The following PLOD1 variants were observed in gnomAD, a reference collection of about 807,000 sequenced individuals.
The protein encoded by PLOD1 is procollagen-lysine,2-oxoglutarate 5-dioxygenase 1.
PLOD1 carries 70 observed loss-of-function variants against 94.7 expected under a neutral mutation model. The ratio of observed to expected loss-of-function variants is 0.74; its 90% CI spans 0.61 to 0.90. The LOEUF (loss-of-function observed/expected upper bound fraction) is 0.90, where lower values mean the gene tolerates loss of function less well. Among genes scored for constraint, PLOD1 ranks in the 40% least tolerant of loss-of-function variants. The probability of loss-of-function intolerance (pLI) is 0.00; values close to 1 mark genes in which losing one functional copy is unlikely to be tolerated. For synonymous variants in PLOD1, 417 were observed against 400.2 expected, an observed-to-expected ratio of 1.04 and a Z score of -0.50; for missense variants, 905 against 972.7, an observed-to-expected ratio of 0.93 and a Z score of 0.93.
intron 5 of PLOD1, among the ~76,000 whole-genome samples, chr1:11,953,959 G>T (rs1645720729): frequency 6.6e-6 from 1 of 151,410 alleles, no homozygotes; most frequent in African/African-American, 2.4e-5. Context: ...CAGCCTCCCG[G>T]ACTCAAGCGA....
Position 11,969,020 on chromosome 1 carries a change from ATTTTTTTTTTTT to A in PLOD1, c.1756-1639_1756-1628del, listed in dbSNP as rs936449431. ...TTACAGGTGCTGGCCACCATGCCTA[ATTTTTTTTTTTT>A]TTTTTTTTTTGAGACGGAGTTTTGC... On this transcript the variant is annotated intron_variant, in intron 16 of 18. Coordinates refer to ENST00000196061, the MANE Select transcript of PLOD1 (RefSeq NM_000302.4). Among the ~76,000 whole-genome samples, 13 of 118,826 alleles carry A rather than the reference ATTTTTTTTTTTT, an allele frequency of 1.1e-4. No individual in the cohort carries two copies. The East Asian group carries it at 2.4e-3, about 22-fold the overall frequency. The allele number at this position is 118,826 out of a possible 152,430, so 78.0% of individuals were successfully genotyped here. A position where few individuals can be genotyped will look rare whatever the true frequency, so the allele number is the denominator to read the frequency against.
Position 11,963,544 on chromosome 1 carries a change from G to A in PLOD1, c.1110G>A (p.Arg370=), listed in dbSNP as rs148644646. The A allele has an allele frequency of 7.5e-6, 12 of 1,598,412 alleles. No homozygotes were observed. Among genetic ancestry groups the A allele is most frequent in the African/African-American group, 1.3e-5 (1 of 74,808 alleles). ...DARNMGADLC[R]QDRSCTYYFS... Reference sequence around the variant, plus strand: ...CTCCTCCTTGCAGAGACCTGTGCCGGCAGGACCGCAGCTGCACCTACTACT... The same window carrying A: ...CTCCTCCTTGCAGAGACCTGTGCCGACAGGACCGCAGCTGCACCTACTACT... The change falls in exon 11 of 19, where the codon CGG becomes CGA. Residue 370 remains arginine (R), a synonymous_variant. Coordinates refer to ENST00000196061, the MANE Select transcript of PLOD1 (RefSeq NM_000302.4). This position sits in a 1 kb window ranked among gnomAD's most constrained non-coding sequence, Gnocchi z 4.3.
Position 11,957,913 on chromosome 1 carries a change from C to T in PLOD1, c.813C>T (p.Asp271=), listed in dbSNP as rs373471550. The T allele has an allele frequency of 7.4e-5, 120 of 1,613,752 alleles. 2 individuals carry two copies. In the South Asian group the frequency reaches 1.2e-3, roughly 16 times the overall value. Residue 271 remains aspartate (D), a synonymous_variant, in exon 8 of 19, where the codon GAC becomes GAT. Transcript: ENST00000196061. The surrounding 1 kb of genome is among the most constrained non-coding windows in gnomAD (Gnocchi z 4.1). ...TCGAAACAGGCTGCACCGTGTGTGACGAAGGCTTGCGCAGCCTCAAGGGCA... is the reference window on the plus strand; with the variant it reads ...TCGAAACAGGCTGCACCGTGTGTGATGAAGGCTTGCGCAGCCTCAAGGGCA... ...WTFETGCTVC[D]EGLRSLKGIG...
rs777914756 is a variant in PLOD1, at chr1:11,956,985, G to T, written c.712G>T (p.Val238Phe). The change falls in exon 7 of 19, where the codon GTC becomes TTC. Residue 238 changes from valine (V) to phenylalanine (F), a missense_variant. Val to Phe is a conservative substitution (Grantham distance 50). Coordinates refer to ENST00000196061, the MANE Select transcript of PLOD1 (RefSeq NM_000302.4). Reference protein sequence around the residue: ...ARNLAYDTLPVLIHGNGPTKL... With the variant: ...ARNLAYDTLPFLIHGNGPTKL... The stretch of plus-strand genomic sequence containing the variant: ...GAACCTGGCCTATGACACCCTCCCG[G>T]TCCTGATCCATGGCAACGGGCCAAC... 6.2e-6 allele frequency: 10 copies of T among 1,613,518 alleles called. No homozygotes were observed. The Admixed American group carries it at 8.3e-5, about 13-fold the overall frequency.
intron 3 of PLOD1, 28 bp downstream of exon 3, chr1:11,949,934 G>C (rs1253494734): frequency 6.2e-7 from 1 of 1,610,766 alleles, no homozygotes; most frequent in Admixed American, 1.7e-5. Flanking sequence ...TCCTAGCCTG[G>C]GCCCCTCCGC....
intron 16 of PLOD1, 148 bp from the exon 17 acceptor site, chr1:11,970,521 AT>A: frequency 1.3e-6 from 1 of 772,570 alleles, no homozygotes; most frequent in Non-Finnish European, 2.2e-6. Context: ...AAGTCAACTG[AT>A]TAGGAGCCTT....
At chr1:11,938,141 C>T (rs962518209) in intron 1 of PLOD1, among the ~76,000 whole-genome samples, 10 of 139,406 alleles carry the variant, frequency 7.2e-5, no homozygotes, top group South Asian at 2.5e-4. Flanking sequence ...TTAGTAGAGA[C>T]GGGGTTTTGC....
At chr1:11,949,985 C>A in intron 3 of PLOD1, 79 bp downstream of exon 3, 1 of 1,466,038 alleles carries the variant, frequency 6.8e-7, no homozygotes, top group Non-Finnish European at 9.6e-7. Flanking sequence ...CCTCCCAGAA[C>A]ATCGGGGAAG....
rs1645794473 is a variant in PLOD1, at chr1:11,963,630, A to C, written c.1196A>C (p.Gln399Pro). 2 of 1,588,320 alleles carry C rather than the reference A, an allele frequency of 1.3e-6. No homozygotes were observed. Among genetic ancestry groups the C allele is most frequent in the South Asian group, 1.1e-5 (1 of 87,380 alleles). The stretch of plus-strand genomic sequence containing the variant: ...AACAGCCTGCGGCTGCTGATCCAAC[A>C]GAACAAGTGAGGCTGCTCCGTCTGC... Reference protein sequence around the residue: ...EPNSLRLLIQQNKNVIAPLMT... With the variant: ...EPNSLRLLIQPNKNVIAPLMT... The change falls in exon 11 of 19, where the codon CAG becomes CCG. Residue 399 changes from glutamine to proline, a missense_variant. Physicochemically the swap from Gln to Pro is moderately conservative, Grantham distance 76. Coordinates refer to ENST00000196061, the MANE Select transcript of PLOD1 (RefSeq NM_000302.4). The surrounding 1 kb of genome is among the most constrained non-coding windows in gnomAD (Gnocchi z 4.3).
At chr1:11,937,534 C>T (rs541626364) in intron 1 of PLOD1, among the ~76,000 whole-genome samples, 26 of 152,314 alleles carry the variant, frequency 1.7e-4, no homozygotes, top group Middle Eastern at 3.4e-3. Flanking sequence ...TTTTCTGGGC[C>T]TTTGATCCCC....
intron 6 of PLOD1, among the ~76,000 whole-genome samples, chr1:11,956,281 G>A (rs1327385284): frequency 6.6e-6 from 1 of 152,148 alleles, no homozygotes; most frequent in Non-Finnish European, 1.5e-5. Flanking sequence ...CTACTCAGGA[G>A]GCTGAGGCAG....
intron 16 of PLOD1, among the ~76,000 whole-genome samples, chr1:11,968,534 A>C (rs1458871168): frequency 7.0e-6 from 1 of 143,106 alleles, no homozygotes; most frequent in African/African-American, 2.6e-5. Flanking sequence ...TTTTTTTTTG[A>C]ATGGAGTCTC....
At chr1:11,950,732 A>G (rs1202917159) in intron 4 of PLOD1, among the ~76,000 whole-genome samples, 1 of 152,094 alleles carries the variant, frequency 6.6e-6, no homozygotes, top group African/African-American at 2.4e-5. Context: ...GACAGAACCC[A>G]GGAGTCACTC....
intron 4 of PLOD1, among the ~76,000 whole-genome samples, chr1:11,951,550 T>A (rs965577583): frequency 7.0e-6 from 1 of 143,804 alleles, no homozygotes; most frequent in Non-Finnish European, 1.5e-5. Context: ...AATAAATAAT[T>A]TTTTTAAATA....
chr1:11,955,685 G>T (rs1450790672), intron 6 of PLOD1, among the ~76,000 whole-genome samples: 1 of 151,952 alleles, frequency 6.6e-6, no homozygotes, highest in Non-Finnish European at 1.5e-5. Context: ...ATGCAGTGGC[G>T]AATTCTCGAC....
chr1:11,970,894 G>T, intron 17 of PLOD1, 78 bp downstream of exon 17: 107 of 798,304 alleles, frequency 1.3e-4, no homozygotes, highest in Non-Finnish European at 1.7e-4. Flanking sequence ...ACTGGTGGGG[G>T]TAGGGTGGGA....
intron 1 of PLOD1, among the ~76,000 whole-genome samples, chr1:11,936,680 G>A (rs1366449365): frequency 2.0e-5 from 3 of 151,714 alleles, no homozygotes; most frequent in South Asian, 2.1e-4. Flanking sequence ...GCACCACCAC[G>A]CCCAGCTAAT....
At chr1:11,934,897 G>C (rs1487237736) in intron 1 of PLOD1, 42 bp downstream of exon 1, 3 of 1,526,860 alleles carry the variant, frequency 2.0e-6, no homozygotes, top group Non-Finnish European at 2.6e-6. Flanking sequence ...GGATCCGGGC[G>C]GGAGGGCTGG....
chr1:11,973,035 G>C (rs1645877806), intron 18 of PLOD1, 38 bp downstream of exon 18: 1 of 1,612,498 alleles, frequency 6.2e-7, no homozygotes, highest in South Asian at 1.1e-5. Context: ...GGCCGGCAAT[G>C]GGGATGAGGA....
Sources: gnomAD v4.1 joint callset for allele counts (sites outside exome capture counted in the v4.1 genomes callset) on GRCh38, gnomAD v4.1.1 for gene constraint, Gnocchi (gnomAD v3.1) non-coding constraint, MANE v1.5 for transcripts, NCBI Gene and HGNC (gene_info 2026-07-23, HGNC 2026-07-21) for gene names.